The following MOV10 variants were observed in gnomAD, a reference collection of about 807,000 sequenced individuals.
MOV10 encodes the protein RNA helicase MOV-10.
In MOV10, 39 loss-of-function variants were observed where a neutral mutation model predicts 108.4. The observed-to-expected ratio is 0.36, with a 90% CI of 0.28 to 0.47. The LOEUF (loss-of-function observed/expected upper bound fraction) is 0.47, where lower values mean the gene tolerates loss of function less well. Ranked by LOEUF, MOV10 falls within the 20% of genes least tolerant of loss-of-function variation. The pLI is 1.00. For missense variants in MOV10, 952 were observed against 1,297.6 expected (o/e 0.73, Z 4.09); for synonymous variants, 490 against 523.1 (o/e 0.94, Z 0.86).
intron 17 of MOV10, 152 bp from the exon 18 acceptor site, chr1:112,699,533 T>G: frequency 6.8e-7 from 1 of 1,481,382 alleles, no homozygotes; most frequent in Non-Finnish European, 8.9e-7. Flanking sequence ...TCCCATCCCC[T>G]TTCCCTGGGC....
Position 112,698,068 on chromosome 1 carries a change from T to C in MOV10, c.2273T>C (p.Val758Ala), listed in dbSNP as rs1338740130. 6.2e-7 allele frequency: 1 copy of C among 1,614,218 alleles called. No homozygotes were observed. The highest frequency in any genetic ancestry group is 2.2e-5 in the East Asian group (1 of 44,876). ...GAGCTGCAGGCCTGTGCTGATGTCG[T>C]GGATCGAGAACGCTTCTGCCGCTGG... Reference protein sequence around the residue: ...EGELQACADVVDRERFCRWAG... With the variant: ...EGELQACADVADRERFCRWAG... Residue 758 changes from valine (V) to alanine (A), a missense_variant, in exon 15 of 21, where the codon GTG (valine) becomes GCG (alanine). Physicochemically the swap from Val to Ala is moderately conservative, Grantham distance 64. This residue lies in a region of MOV10 where 453 missense variants were observed against 611.5 expected (regional missense o/e 0.74). Coordinates refer to ENST00000369645, the MANE Select transcript of MOV10 (RefSeq NM_001321324.2).
chr1:112,694,707 C>A lies in MOV10; in HGVS notation c.1473-42C>A, dbSNP rs1306382236. 1 of 1,604,362 alleles carries A rather than the reference C, an allele frequency of 6.2e-7. No individual in the cohort carries two copies. The highest frequency in any genetic ancestry group is 2.2e-5 in the East Asian group (1 of 44,730). On this transcript the variant is annotated intron_variant, in intron 9 of 20. Coordinates refer to ENST00000369645, the MANE Select transcript of MOV10 (RefSeq NM_001321324.2). The surrounding 1 kb of genome is among the most constrained non-coding windows in gnomAD (Gnocchi z 4.1). ...GGTGGAGTCAGGGAGGCCTCTGGGT[C>A]ACTGGATGACTTCAAGTTCACATTC...
rs762215140 is a variant in MOV10 at position 112,694,207 on chromosome 1, G to T, written c.1295+35G>T. On this transcript the variant is annotated intron_variant, in intron 8 of 20. Coordinates refer to ENST00000369645, the MANE Select transcript of MOV10 (RefSeq NM_001321324.2). The surrounding 1 kb of genome is among the most constrained non-coding windows in gnomAD (Gnocchi z 4.1). ...GGGGGAACCCTGAGCTGCTGGAAGG[G>T]TCTACAGACTTCTGACCCCAGGGGA... 1.5e-5 allele frequency: 24 copies of T among 1,613,114 alleles called. No homozygotes were observed. The Admixed American group carries it at 3.7e-4, about 25-fold the overall frequency.
At chr1:112,689,279 G>C (rs1046152905) in intron 3 of MOV10, 136 bp from the exon 4 acceptor site, 11 of 1,209,236 alleles carry the variant, frequency 9.1e-6, no homozygotes, top group Non-Finnish European at 1.3e-5. Flanking sequence ...GCAGGGAACT[G>C]GTCTGCTGGG....
Position 112,698,803 on chromosome 1 carries a change from C to A in MOV10, c.2583+14C>A. On this transcript the variant is annotated intron_variant, in intron 17 of 20. Transcript: ENST00000369645. ...AAGGACTTGAAGGTGACATGCTGTT[C>A]CACAGTCACTCCCTGCCTTCCGTGT... 6 of 1,609,614 alleles carry A rather than the reference C, an allele frequency of 3.7e-6. No individual in the cohort carries two copies. The highest frequency in any genetic ancestry group is 5.1e-6 in the Non-Finnish European group (6 of 1,175,938).
At chr1:112,687,612 C>T (rs1384756457) in intron 2 of MOV10, among the ~76,000 whole-genome samples, 1 of 152,194 alleles carries the variant, frequency 6.6e-6, no homozygotes, top group African/African-American at 2.4e-5. Context: ...TGTCCATGAT[C>T]TGGTCCCTGC....
At chr1:112,678,201 T>C (rs906135751) in intron 2 of MOV10, among the ~76,000 whole-genome samples, 1 of 152,074 alleles carries the variant, frequency 6.6e-6, no homozygotes, top group African/African-American at 2.4e-5. Flanking sequence ...GCAAAGCATT[T>C]GTGTGGCTAG....
At position 112,694,048 on chromosome 1, in the gene MOV10, G is replaced by A. The variant is rs772001776; in HGVS notation, c.1171G>A (p.Val391Met). Residue 391 changes from valine to methionine, a missense_variant, in exon 8 of 21, where the codon GTG becomes ATG. This residue lies in a region of MOV10 where 18 missense variants were observed against 56.7 expected (regional missense o/e 0.32). Coordinates refer to ENST00000369645, the MANE Select transcript of MOV10 (RefSeq NM_001321324.2). The surrounding 1 kb of genome is among the most constrained non-coding windows in gnomAD (Gnocchi z 4.1). ...VPGVTESRPS[V>M]LRGDHLFALL... ...TGGAGTGACTGAGAGCCGCCCCTCA[G>A]TGCTACGGGGCGACCACCTGTTTGC... The A allele has an allele frequency of 6.2e-7, 1 of 1,613,952 alleles. No homozygotes were observed. Among genetic ancestry groups the A allele is most frequent in the Non-Finnish European group, 8.5e-7 (1 of 1,180,006 alleles).
intron 17 of MOV10, chr1:112,699,372 A>G (rs1337407526): frequency 1.1e-6 from 1 of 882,992 alleles, no homozygotes; most frequent in African/African-American, 1.7e-5. Flanking sequence ...TATTCTTAAC[A>G]GATACTTAGT....
Position 112,696,425 on chromosome 1 carries a change from G to T in MOV10, c.1884-12G>T. 1 of 1,606,556 alleles carries T rather than the reference G, an allele frequency of 6.2e-7. No individual in the cohort carries two copies. Among genetic ancestry groups the T allele is most frequent in the South Asian group, 1.1e-5 (1 of 90,918 alleles). On this transcript the variant is annotated splice_polypyrimidine_tract_variant and intron_variant, in intron 12 of 20. Coordinates refer to ENST00000369645, the MANE Select transcript of MOV10 (RefSeq NM_001321324.2). ...CCTGGATATGACCCCTGCCTGGCCTGACACCTCCCAGGTTGGTCTCGGCCC... is the reference window on the plus strand; with the variant it reads ...CCTGGATATGACCCCTGCCTGGCCTTACACCTCCCAGGTTGGTCTCGGCCC...
intron 7 of MOV10, 152 bp downstream of exon 7, chr1:112,693,081 C>A: frequency 2.8e-6 from 2 of 716,234 alleles, no homozygotes; most frequent in Non-Finnish European, 4.5e-6. Flanking sequence ...ATCCTGTGCC[C>A]AAAGATGTGT....
rs1386027644 is a variant in MOV10 at position 112,689,997 on chromosome 1, C to T, written c.735C>T (p.Pro245=). 3 of 1,614,042 alleles carry T rather than the reference C, an allele frequency of 1.9e-6. No individual in the cohort carries two copies. Among genetic ancestry groups the T allele is most frequent in the East Asian group, 4.5e-5 (2 of 44,888 alleles). Residue 245 remains proline, a synonymous_variant, in exon 5 of 21, where the codon CCC becomes CCT. Coordinates refer to ENST00000369645, the MANE Select transcript of MOV10 (RefSeq NM_001321324.2). ...TCTTGGCTGCCGTCGCCCACAGCCC[C>T]CTGGCTGCACAGCTGAAGCCCATGA... is the stretch of plus-strand genomic sequence containing the variant. The part of the protein sequence containing the change: ...ARFLAAVAHS[P]LAAQLKPMTP...
chr1:112,693,913 A>ATTAAC, intron 7 of MOV10, 105 bp from the exon 8 acceptor site: 1 of 963,242 alleles, frequency 1.0e-6, no homozygotes, highest in South Asian at 1.5e-5. Flanking sequence ...TTAGGTTAGA[A>ATTAAC]GGCCAGTCTC....
intron 6 of MOV10, 35 bp downstream of exon 6, chr1:112,691,834 G>A (rs2932532): frequency 0.52 from 824,267 of 1,593,122 alleles, 215,962 homozygotes; most frequent in South Asian, 0.64. Flanking sequence ...GCACTCTCCC[G>A]TCTTTTACCT....
At position 112,682,111 on chromosome 1, in the gene MOV10, T is replaced by C. The variant is rs1048613967; in HGVS notation, c.138-6824T>C. ...GGTTTCACCATGTTGGCCAGGCTGG[T>C]CTTGAACTCCTGACCTCAGGTGATC... On this transcript the variant is annotated intron_variant, in intron 2 of 20. Coordinates refer to ENST00000369645, the MANE Select transcript of MOV10 (RefSeq NM_001321324.2). Among the ~76,000 whole-genome samples, 7 of 152,124 alleles carry C rather than the reference T, an allele frequency of 4.6e-5. No homozygotes were observed. In the South Asian group the frequency reaches 1.0e-3, roughly 22 times the overall value.
chr1:112,676,905 G>A (rs1300965280), intron 2 of MOV10, among the ~76,000 whole-genome samples: 1 of 152,166 alleles, frequency 6.6e-6, no homozygotes, highest in South Asian at 2.1e-4. Context: ...GTCTTTGTCA[G>A]CTCTAAACCA....
intron 17 of MOV10, chr1:112,699,197 CCACCAG>C: frequency 4.5e-6 from 1 of 224,716 alleles, no homozygotes; most frequent in Non-Finnish European, 8.8e-6. Flanking sequence ...AGGGCCCCAC[CCACCAG>C]CTCATACAGC....
rs764020525 is a variant in MOV10 at position 112,700,611 on chromosome 1, GGGAGGGA to G, written c.*106_*112del. Reference sequence around the variant, plus strand: ...CCCCTCCAAGGGACAGGAAGGCTGGGGGAGGGAGTTTACAACCCAAGCCATTCCACCC... The same window carrying G: ...CCCCTCCAAGGGACAGGAAGGCTGGGGTTTACAACCCAAGCCATTCCACCC... On this transcript the variant is annotated 3_prime_UTR_variant, in exon 21 of 21. Transcript: ENST00000369645. The G allele has an allele frequency of 6.4e-7, 1 of 1,555,088 alleles. No individual in the cohort carries two copies. The highest frequency in any genetic ancestry group is 8.7e-7 in the Non-Finnish European group (1 of 1,150,182).
chr1:112,688,893 C>G (rs931853087), intron 2 of MOV10, 42 bp from the exon 3 acceptor site: 8 of 1,610,270 alleles, frequency 5.0e-6, no homozygotes, highest in Non-Finnish European at 6.8e-6. Context: ...CTCCCTCGAG[C>G]CCTGCCTTCC....
Sources: gnomAD v4.1 joint callset for allele counts (sites outside exome capture counted in the v4.1 genomes callset) on GRCh38, gnomAD v4.1.1 for gene constraint, gnomAD v4.1.1 regional missense constraint, Gnocchi (gnomAD v3.1) non-coding constraint, MANE v1.5 for transcripts, NCBI Gene and HGNC (gene_info 2026-07-23, HGNC 2026-07-21) for gene names.